Variants in ATP9B observed in about 807,000 individuals in gnomAD.
ATP9B encodes probable phospholipid-transporting ATPase IIB.
A neutral mutation model predicts 146.1 loss-of-function variants in ATP9B; 110 were observed. The observed-to-expected ratio is 0.75, with a 90% CI of 0.65 to 0.88. The LOEUF (loss-of-function observed/expected upper bound fraction) is 0.88. Ranked by LOEUF, ATP9B falls within the 40% of genes least tolerant of loss-of-function variation. The pLI, the probability that ATP9B is intolerant of heterozygous loss-of-function variation, is 0.00. For synonymous variants in ATP9B, 604 were observed against 569.7 expected, an observed-to-expected ratio of 1.06 and a Z score of -0.86; for missense variants, 1,499 against 1,496.4, an observed-to-expected ratio of 1.00 and a Z score of -0.03.
intron 1 of ATP9B, among the ~76,000 whole-genome samples, chr18:79,071,765 T>A (rs189382721): frequency 2.5e-4 from 38 of 152,314 alleles, no homozygotes; most frequent in African/African-American, 9.1e-4. Context: ...AGATTGATGT[T>A]CCCCTGTAGA....
chr18:79,099,762 T>C (rs970024431), intron 2 of ATP9B, among the ~76,000 whole-genome samples: 3 of 151,674 alleles, frequency 2.0e-5, no homozygotes, highest in African/African-American at 7.3e-5. Flanking sequence ...ATGCCCAACC[T>C]GTTTTTTGCA....
chr18:79,195,819 A>C (rs7240807), intron 9 of ATP9B, among the ~76,000 whole-genome samples: 84,581 of 151,650 alleles, frequency 0.56, 25,321 homozygotes, highest in African/African-American at 0.79. Flanking sequence ...CGAGATAATC[A>C]AAGAGGTGAA....
chr18:79,078,632 A>G (rs1555728671), intron 1 of ATP9B, among the ~76,000 whole-genome samples: 1 of 150,192 alleles, frequency 6.7e-6, no homozygotes. Flanking sequence ...TTACATACAT[A>G]CAAGTTACCC....
chr18:79,305,853 G>C (rs2096617535), intron 14 of ATP9B, among the ~76,000 whole-genome samples: 1 of 152,240 alleles, frequency 6.6e-6, no homozygotes, highest in South Asian at 2.1e-4. Context: ...GAGTCTAGTA[G>C]GTCCACTGCC....
intron 8 of ATP9B, among the ~76,000 whole-genome samples, chr18:79,188,442 G>C (rs140280570): frequency 1.3e-5 from 2 of 152,106 alleles, no homozygotes; most frequent in Non-Finnish European, 2.9e-5. Flanking sequence ...ATCAACTGTG[G>C]TTCCTCTTAC....
intron 13 of ATP9B, 59 bp from the exon 14 acceptor site, chr18:79,303,545 C>A: frequency 7.2e-7 from 1 of 1,396,638 alleles, no homozygotes; most frequent in Non-Finnish European, 1.0e-6. Context: ...GGTAGGAAAG[C>A]TGGGTGTTCC....
At chr18:79,247,444 T>G (rs1171215270) in intron 11 of ATP9B, among the ~76,000 whole-genome samples, 1 of 152,128 alleles carries the variant, frequency 6.6e-6, no homozygotes, top group Admixed American at 6.5e-5. Context: ...GATCTAGGAG[T>G]CCAGCAGTTT....
chr18:79,227,521 G>A (rs991727189), intron 11 of ATP9B, among the ~76,000 whole-genome samples: 1 of 152,086 alleles, frequency 6.6e-6, no homozygotes, highest in Non-Finnish European at 1.5e-5. Flanking sequence ...GATGGGTGGT[G>A]GATGGGTGGA....
chr18:79,109,056 AG>A (rs1361135374), intron 2 of ATP9B, among the ~76,000 whole-genome samples: 2 of 152,224 alleles, frequency 1.3e-5, no homozygotes, highest in Admixed American at 1.3e-4. Flanking sequence ...TTTTGTAATC[AG>A]CCTTATGCTG....
chr18:79,118,814 A>C (rs1161159670), intron 4 of ATP9B, among the ~76,000 whole-genome samples: 1 of 152,120 alleles, frequency 6.6e-6, no homozygotes. Flanking sequence ...TCGTACCAGT[A>C]ATCTCAGCAC....
rs144924112 is a variant in ATP9B at position 79,296,676 on chromosome 18, A to T, written c.1412-6928A>T. On this transcript the variant is annotated intron_variant, in intron 13 of 29. Transcript: ENST00000426216. ...TGATTTCTGTTTACAGCAGTCTTCT[A>T]TATACCTTCCACCACCCTTGTTTCA... Among the ~76,000 whole-genome samples the T allele has an allele frequency of 1.1e-3, 166 of 152,356 alleles. 1 individual carries two copies. Among genetic ancestry groups the T allele is most frequent in the African/African-American group, 3.6e-3 (151 of 41,584 alleles).
At chr18:79,170,330 G>T (rs1734150632) in intron 7 of ATP9B, among the ~76,000 whole-genome samples, 4 of 152,344 alleles carry the variant, frequency 2.6e-5, no homozygotes, top group East Asian at 3.9e-4. Context: ...TAGAATGGCA[G>T]TGGGAGCCAA....
At chr18:79,130,167 G>C (rs528340486) in intron 5 of ATP9B, among the ~76,000 whole-genome samples, 2 of 152,308 alleles carry the variant, frequency 1.3e-5, no homozygotes, top group African/African-American at 4.8e-5. Flanking sequence ...GAGACAAAAA[G>C]TTTAAATCAG....
chr18:79,261,503 G>A (rs895581895), intron 12 of ATP9B, among the ~76,000 whole-genome samples: 1 of 152,098 alleles, frequency 6.6e-6, no homozygotes, highest in African/African-American at 2.4e-5. Flanking sequence ...ACTGTGAGCA[G>A]ATCCAGAGCT....
rs186289904 is a variant in ATP9B at position 79,371,153 on chromosome 18, C to T, written c.3013-1672C>T. Among the ~76,000 whole-genome samples the T allele has an allele frequency of 6.8e-3, 1,041 of 152,224 alleles. 16 individuals are homozygous for T. The highest frequency in any genetic ancestry group is 0.024 in the African/African-American group (999 of 41,534). On this transcript the variant is annotated intron_variant, in intron 26 of 29. Transcript: ENST00000426216. ...CTTTGGGAGGCCGAGGTGGGCGGAT[C>T]ATGAGGTCAAGAGATCAAGACCATC... is the stretch of plus-strand genomic sequence containing the variant.
chr18:79,287,128 C>T (rs2096452634), intron 13 of ATP9B, among the ~76,000 whole-genome samples: 1 of 152,172 alleles, frequency 6.6e-6, no homozygotes, highest in African/African-American at 2.4e-5. Context: ...TGATGCTGGC[C>T]TCATAAAATG....
rs1207958570 is a variant in ATP9B at position 79,277,145 on chromosome 18, A to G, written c.1360A>G (p.Thr454Ala). The stretch of plus-strand genomic sequence containing the variant: ...CCCTGGCACGGTCGTTCGGACCAGC[A>G]CTATCCCAGAGGAACTTGGGCGCCT... ...NIPGTVVRTSTIPEELGRLVY... is the reference protein window; with the variant it reads ...NIPGTVVRTSAIPEELGRLVY... The change falls in exon 13 of 30, where the codon ACT becomes GCT. Residue 454 changes from threonine (T) to alanine (A), a missense_variant. By Grantham distance (58) the Thr-to-Ala change is moderately conservative. Coordinates refer to ENST00000426216, the MANE Select transcript of ATP9B (RefSeq NM_198531.5). 6.2e-7 allele frequency: 1 copy of G among 1,614,242 alleles called. No individual in the cohort carries two copies. Among genetic ancestry groups the G allele is most frequent in the Non-Finnish European group, 8.5e-7 (1 of 1,180,022 alleles).
chr18:79,338,134 T>C (rs1325166055), intron 19 of ATP9B, among the ~76,000 whole-genome samples: 2 of 152,260 alleles, frequency 1.3e-5, no homozygotes. Context: ...TACTCAGACG[T>C]GCACTACATC....
chr18:79,082,206 C>T (rs913568150), intron 1 of ATP9B, among the ~76,000 whole-genome samples: 22 of 152,158 alleles, frequency 1.4e-4, no homozygotes, highest in Admixed American at 2.0e-4. Flanking sequence ...GCTATTGATA[C>T]TTGTGTATGC....
Sources: allele counts gnomAD v4.1 joint callset (sites outside exome capture counted in the v4.1 genomes callset), GRCh38; gene constraint gnomAD v4.1.1; transcripts MANE v1.5; gene names NCBI Gene and HGNC (gene_info 2026-07-23, HGNC 2026-07-21).